Variants in PSMD13 observed in about 807,000 individuals in gnomAD.
PSMD13 encodes proteasome 26S subunit, non-ATPase 13, also known as 26S proteasome non-ATPase regulatory subunit 13.
PSMD13 carries 8 observed loss-of-function variants against 57.4 expected under a neutral mutation model. The ratio of observed to expected loss-of-function variants is 0.14; its 90% confidence interval spans 0.08 to 0.25. The LOEUF is 0.25. PSMD13 is among the 10% of genes least tolerant of loss of function. PSMD13 has a pLI of 1.00. For missense variants in PSMD13, 400 were observed against 461.5 expected, an observed-to-expected ratio of 0.87 and a Z score of 1.22; for synonymous variants, 193 against 168.2, an observed-to-expected ratio of 1.15 and a Z score of -1.14.
At chr11:247,533 A>C in intron 7 of PSMD13, 85 bp downstream of exon 7, 7 of 1,470,630 alleles carry the variant, frequency 4.8e-6, no homozygotes, top group Non-Finnish European at 6.5e-6. Context: ...GACAGTTCTC[A>C]GAAATTACTA....
rs773609691 is a variant in PSMD13 at position 248,923 on chromosome 11, T to A, written c.649-9T>A. The A allele has an allele frequency of 1.9e-6, 3 of 1,614,168 alleles. No individual in the cohort carries two copies. In the South Asian group the frequency reaches 3.3e-5, roughly 18 times the overall value. The stretch of plus-strand genomic sequence containing the variant: ...AAGTGTTACTAGCTGACCATCTCCA[T>A]CCTCACAGCTCATGCACCCTGTGCT... On this transcript the variant is annotated splice_polypyrimidine_tract_variant and intron_variant, in intron 8 of 12. Coordinates refer to ENST00000532097, the MANE Select transcript of PSMD13 (RefSeq NM_002817.4).
Position 244,248 on chromosome 11 carries a change from A to G in PSMD13, c.265+32A>G, listed in dbSNP as rs760714586. 18 of 1,599,826 alleles carry G rather than the reference A, an allele frequency of 1.1e-5. 2 individuals are homozygous for G. The highest frequency in any genetic ancestry group is 3.6e-4 in the Middle Eastern group (2 of 5,622). ...CTCACTTTGTTTTATAAAGGAGCAG[A>G]TCCAAATGGTGGTTAAAATTGAAAT... On this transcript the variant is annotated intron_variant, in intron 4 of 12. Coordinates refer to ENST00000532097, the MANE Select transcript of PSMD13 (RefSeq NM_002817.4).
intron 2 of PSMD13, among the ~76,000 whole-genome samples, chr11:239,814 T>C (rs2133982926): frequency 6.6e-6 from 1 of 152,258 alleles, no homozygotes; most frequent in East Asian, 1.9e-4. Flanking sequence ...TACTCTATGA[T>C]GGCTTTCTCT....
At chr11:242,093 T>G (rs899384673) in intron 2 of PSMD13, among the ~76,000 whole-genome samples, 3 of 151,804 alleles carry the variant, frequency 2.0e-5, no homozygotes, top group Middle Eastern at 3.4e-3. Context: ...TACAGTAACC[T>G]TTGAAGCCTC....
Position 237,031 on chromosome 11 carries a change from C to G in PSMD13, c.-19C>G, listed in dbSNP as rs775087605. On this transcript the variant is annotated 5_prime_UTR_variant, in exon 1 of 13. Coordinates refer to ENST00000532097, the MANE Select transcript of PSMD13 (RefSeq NM_002817.4). ...TGACATCCCGGTTGTTCTTCTGTGC[C>G]GGGGGTCTTCCTGCTGTCATGAAGG... 6.3e-7 allele frequency: 1 copy of G among 1,595,872 alleles called. No homozygotes were observed. The highest frequency in any genetic ancestry group is 8.6e-7 in the Non-Finnish European group (1 of 1,163,882).
At chr11:239,103 A>G (rs773811970) in intron 2 of PSMD13, 27 bp downstream of exon 2, 22 of 1,570,530 alleles carry the variant, frequency 1.4e-5, no homozygotes, top group Non-Finnish European at 1.9e-5. Flanking sequence ...ACCAGATTAG[A>G]TTATATGAAT....
At chr11:238,941 G>A in intron 1 of PSMD13, 57 bp from the exon 2 acceptor site, 1 of 1,441,890 alleles carries the variant, frequency 6.9e-7, no homozygotes. Context: ...CATCAAGGCT[G>A]GAGGTGTCTG....
chr11:246,487 C>T lies in PSMD13; in HGVS notation c.397-790C>T, dbSNP rs530647571. 1.5e-4 allele frequency among the ~76,000 whole-genome samples: 23 copies of T among 152,162 alleles called. No individual in the cohort carries two copies. In the East Asian group the frequency reaches 1.7e-3, roughly 11 times the overall value. ...CTGCACTACAGCTTGGGCAACAGAGCGAGACTCTGTCTCAAAAAAAAAGGG... is the reference window on the plus strand; with the variant it reads ...CTGCACTACAGCTTGGGCAACAGAGTGAGACTCTGTCTCAAAAAAAAAGGG... On this transcript the variant is annotated intron_variant, in intron 6 of 12. Coordinates refer to ENST00000532097, the MANE Select transcript of PSMD13 (RefSeq NM_002817.4).
In PSMD13 at chr11:244,300, C is replaced by T. The variant is rs562861953; in HGVS notation, c.265+84C>T. Reference sequence around the variant, plus strand: ...TAAGTTAACTGAACTTTTGTGTTTTCTGTATCAGATATTATGTTTTTATTA... The same window carrying T: ...TAAGTTAACTGAACTTTTGTGTTTTTTGTATCAGATATTATGTTTTTATTA... On this transcript the variant is annotated intron_variant, in intron 4 of 12. Coordinates refer to ENST00000532097, the MANE Select transcript of PSMD13 (RefSeq NM_002817.4). The T allele has an allele frequency of 6.8e-5, 108 of 1,585,770 alleles. 1 individual carries two copies. The South Asian group carries it at 1.2e-3, about 18-fold the overall frequency.
At chr11:246,087 G>A (rs1054511211) in intron 6 of PSMD13, among the ~76,000 whole-genome samples, 13 of 152,226 alleles carry the variant, frequency 8.5e-5, no homozygotes, top group South Asian at 6.2e-4. Context: ...TAACTCAAGC[G>A]TTTTAACATT....
At chr11:240,128 T>TTTTTTTG (rs869292581) in intron 2 of PSMD13, among the ~76,000 whole-genome samples, 2 of 141,614 alleles carry the variant, frequency 1.4e-5, no homozygotes, top group African/African-American at 2.9e-5. Context: ...TTTTTTTTTT[T>TTTTTTTG]GACGGAGTTT....
intron 6 of PSMD13, among the ~76,000 whole-genome samples, chr11:245,686 A>G (rs7478850): frequency 0.72 from 94,000 of 131,380 alleles, 31,436 homozygotes; most frequent in African/African-American, 0.76. Context: ...GTGTGTTTGC[A>G]TGTGTGTTCG....
At chr11:239,191 A>C (rs1463608542) in intron 2 of PSMD13, 115 bp downstream of exon 2, 1 of 1,006,060 alleles carries the variant, frequency 9.9e-7, no homozygotes, top group Non-Finnish European at 1.6e-6. Context: ...CAGTCACTTT[A>C]CGTCAGGTAC....
chr11:249,214 A>G (rs1294898376), intron 9 of PSMD13, among the ~76,000 whole-genome samples, 157 bp downstream of exon 9: 1 of 152,160 alleles, frequency 6.6e-6, no homozygotes, highest in East Asian at 1.9e-4. Context: ...CAGAGAGTTA[A>G]GTGGTTGGTT....
intron 2 of PSMD13, among the ~76,000 whole-genome samples, 154 bp downstream of exon 2, chr11:239,230 G>C (rs180736753): frequency 6.6e-6 from 1 of 152,312 alleles, no homozygotes; most frequent in African/African-American, 2.4e-5. Context: ...TATCCTTCAT[G>C]ACAACGCTGG....
At position 251,807 on chromosome 11, in the gene PSMD13, C is replaced by T. The variant is rs1237185632; in HGVS notation, c.919-13C>T. 1.9e-6 allele frequency: 3 copies of T among 1,612,196 alleles called. No homozygotes were observed. Among genetic ancestry groups the T allele is most frequent in the Non-Finnish European group, 2.5e-6 (3 of 1,178,556 alleles). On this transcript the variant is annotated splice_polypyrimidine_tract_variant and intron_variant, in intron 11 of 12. Transcript: ENST00000532097. The surrounding 1 kb of genome is among the most constrained non-coding windows in gnomAD (Gnocchi z 4.6). ...GGCTATCTTGTCTTACACACGCCTC[C>T]CTCTCTGCACAGGTGGAGCTTCTGG...
intron 7 of PSMD13, 67 bp from the exon 8 acceptor site, chr11:248,709 A>G (rs1413019998): frequency 5.4e-6 from 8 of 1,477,580 alleles, no homozygotes; most frequent in Non-Finnish European, 6.6e-6. Flanking sequence ...GTTATATGAG[A>G]TTTTTAAAGC....
At chr11:244,515 T>C in intron 5 of PSMD13, 46 bp downstream of exon 5, 1 of 1,569,712 alleles carries the variant, frequency 6.4e-7, no homozygotes, top group Non-Finnish European at 8.8e-7. Flanking sequence ...TTTTAGAGTA[T>C]GTATGACTTA....
At chr11:243,560 GTCT>G (rs1859563935) in intron 2 of PSMD13, 3 of 353,100 alleles carry the variant, frequency 8.5e-6, no homozygotes, top group Non-Finnish European at 1.1e-5. Context: ...TTCCACAGTG[GTCT>G]TCTTATTATT....
Sources: allele counts gnomAD v4.1 joint callset (sites outside exome capture counted in the v4.1 genomes callset), GRCh38; gene constraint gnomAD v4.1.1; non-coding constraint Gnocchi (gnomAD v3.1); transcripts MANE v1.5; gene names NCBI Gene and HGNC (gene_info 2026-07-23, HGNC 2026-07-21).